The following CDON variants were observed in gnomAD, a reference collection of about 807,000 sequenced individuals.
CDON encodes cell adhesion associated, oncogene regulated, also known as cell adhesion molecule-related/down-regulated by oncogenes.
A neutral mutation model predicts 120.9 loss-of-function variants in CDON; 73 were observed. That is an observed-to-expected ratio of 0.60 (90% confidence interval 0.50 to 0.73). The LOEUF is 0.73. Among genes scored for constraint, CDON ranks in the 30% least tolerant of loss-of-function variants. CDON has a pLI of 0.00. For synonymous variants in CDON, 566 were observed against 573.5 expected (o/e 0.99, Z 0.19); for missense variants, 1,470 against 1,587.3 (o/e 0.93, Z 1.26).
rs763641244 is a variant in CDON, at chr11:126,010,699, T to G, written c.1199-5A>C. ...TAACTGGCTTGAATCCACCGTCTAT[T>G]AAAAAAGTAATTCACATATGAAAAA... is the stretch of plus-strand genomic sequence containing the variant. On this transcript the variant is annotated splice_polypyrimidine_tract_variant and splice_region_variant and intron_variant, in intron 7 of 19. Transcript: ENST00000531738. 1 of 1,609,998 alleles carries G rather than the reference T, an allele frequency of 6.2e-7. No homozygotes were observed. The highest frequency in any genetic ancestry group is 8.5e-7 in the Non-Finnish European group (1 of 1,176,450).
intron 1 of CDON, among the ~76,000 whole-genome samples, chr11:126,045,426 C>G (rs1948382117): frequency 2.6e-5 from 4 of 151,942 alleles, no homozygotes; most frequent in Admixed American, 2.6e-4. Flanking sequence ...AAAAAACAGA[C>G]AAAGGAAATA....
At chr11:126,013,429 T>A (rs973027002) in intron 7 of CDON, among the ~76,000 whole-genome samples, 1 of 152,204 alleles carries the variant, frequency 6.6e-6, no homozygotes. Context: ...CATAAAATCA[T>A]CTGGCCCCTT....
intron 7 of CDON, among the ~76,000 whole-genome samples, chr11:126,014,120 C>G (rs578085198): frequency 1.3e-5 from 2 of 151,970 alleles, no homozygotes; most frequent in Non-Finnish European, 2.9e-5. Context: ...AATGTCAGAA[C>G]ATTTGGTCCA....
chr11:125,993,825 T>G (rs567437076), intron 14 of CDON, among the ~76,000 whole-genome samples: 4 of 152,376 alleles, frequency 2.6e-5, no homozygotes, highest in Admixed American at 6.5e-5. Flanking sequence ...TTCAACACTC[T>G]TCACCATTTT....
rs748047132 is a variant in CDON, at chr11:126,005,741, TAA to T, written c.1851+16_1851+17del. On this transcript the variant is annotated intron_variant, in intron 9 of 19. Transcript: ENST00000531738. ...TTCAGGTGTGAGCCGAGAAAGATGA[TAA>T]ACGACAAGACATTACCTTTCGATAC... is the stretch of plus-strand genomic sequence containing the variant. 6.2e-7 allele frequency: 1 copy of T among 1,611,066 alleles called. No homozygotes were observed. The highest frequency in any genetic ancestry group is 8.5e-7 in the Non-Finnish European group (1 of 1,178,734).
chr11:126,021,046 T>C (rs1263517649), intron 3 of CDON, among the ~76,000 whole-genome samples: 1 of 151,786 alleles, frequency 6.6e-6, no homozygotes, highest in Non-Finnish European at 1.5e-5. Flanking sequence ...TTCCATATCA[T>C]TGTTACTGAT....
chr11:125,991,760 A>C (rs1191266684), intron 14 of CDON, among the ~76,000 whole-genome samples: 1 of 152,204 alleles, frequency 6.6e-6, no homozygotes, highest in Non-Finnish European at 1.5e-5. Context: ...TCAAATGCAT[A>C]AACTTGAAAA....
chr11:126,054,251 T>C (rs1948634235), intron 1 of CDON, among the ~76,000 whole-genome samples: 1 of 152,202 alleles, frequency 6.6e-6, no homozygotes. Context: ...TGTTTTTTAG[T>C]ACCTATATAC....
chr11:126,012,440 C>T (rs187282799), intron 7 of CDON, among the ~76,000 whole-genome samples: 14 of 151,818 alleles, frequency 9.2e-5, no homozygotes, highest in African/African-American at 1.7e-4. Context: ...CTCGCTCTGT[C>T]GCCCAGGCCG....
chr11:125,962,043 C>T, intron 18 of CDON, 45 bp from the exon 19 acceptor site: 2 of 1,445,700 alleles, frequency 1.4e-6, no homozygotes, highest in South Asian at 2.3e-5. Context: ...TCTAGAGGAA[C>T]CAATAATTAA....
At chr11:126,047,673 G>A (rs1250777247) in intron 1 of CDON, among the ~76,000 whole-genome samples, 4 of 152,090 alleles carry the variant, frequency 2.6e-5, no homozygotes, top group Non-Finnish European at 5.9e-5. Context: ...TAGCCCCATG[G>A]ACCACCATAT....
chr11:126,030,605 T>C (rs1947918331), intron 1 of CDON, among the ~76,000 whole-genome samples: 1 of 152,210 alleles, frequency 6.6e-6, no homozygotes, highest in Non-Finnish European at 1.5e-5. Context: ...AAAACAATGA[T>C]TCATCTCGAT....
At chr11:126,042,776 C>T (rs1948295685) in intron 1 of CDON, among the ~76,000 whole-genome samples, 1 of 152,180 alleles carries the variant, frequency 6.6e-6, no homozygotes, top group Non-Finnish European at 1.5e-5. Flanking sequence ...CACACGCTGC[C>T]ATGCTCGGCT....
At chr11:125,998,011 G>A (rs573495868) in intron 11 of CDON, among the ~76,000 whole-genome samples, 3 of 152,258 alleles carry the variant, frequency 2.0e-5, no homozygotes, top group African/African-American at 7.2e-5. Context: ...GGGAAGACAG[G>A]ATATGTCATT....
intron 1 of CDON, among the ~76,000 whole-genome samples, chr11:126,046,668 C>T (rs1410316742): frequency 6.6e-6 from 1 of 152,056 alleles, no homozygotes; most frequent in Non-Finnish European, 1.5e-5. Context: ...TTTGGATCCC[C>T]CTCCATTACT....
intron 11 of CDON, among the ~76,000 whole-genome samples, chr11:125,998,431 G>C (rs545385720): frequency 6.6e-6 from 1 of 152,006 alleles, no homozygotes; most frequent in African/African-American, 2.4e-5. Flanking sequence ...AGCATGTGGC[G>C]TCTCTCTTGC....
intron 7 of CDON, among the ~76,000 whole-genome samples, chr11:126,012,067 T>A (rs1368698357): frequency 6.6e-6 from 1 of 152,250 alleles, no homozygotes; most frequent in Non-Finnish European, 1.5e-5. Context: ...TAATATTTTC[T>A]TAATTACTAC....
At chr11:126,040,176 G>C (rs536912961) in intron 1 of CDON, among the ~76,000 whole-genome samples, 2 of 152,226 alleles carry the variant, frequency 1.3e-5, no homozygotes, top group East Asian at 1.9e-4. Flanking sequence ...AGAGGGCCGG[G>C]GGGTATATGG....
intron 1 of CDON, among the ~76,000 whole-genome samples, chr11:126,041,665 C>G (rs913673656): frequency 6.6e-6 from 1 of 152,196 alleles, no homozygotes; most frequent in Admixed American, 6.5e-5. Context: ...CTAACTGGGT[C>G]AAACCACAAA....
Sources: allele counts gnomAD v4.1 joint callset (sites outside exome capture counted in the v4.1 genomes callset), GRCh38; gene constraint gnomAD v4.1.1; transcripts MANE v1.5; gene names NCBI Gene and HGNC (gene_info 2026-07-23, HGNC 2026-07-21).